The following ZRANB3 variants were observed in gnomAD, a reference collection of about 807,000 sequenced individuals.
The protein encoded by ZRANB3 is zinc finger RANBP2-type containing 3, also known as DNA annealing helicase and endonuclease ZRANB3.
ZRANB3 carries 125 observed loss-of-function variants against 133.8 expected under a neutral mutation model. The observed-to-expected ratio is 0.93, with a 90% CI of 0.81 to 1.08. The LOEUF is 1.08. Among genes scored for constraint, ZRANB3 ranks in the 50% least tolerant of loss-of-function variants. The probability of loss-of-function intolerance (pLI) is 0.00; values close to 1 mark genes in which losing one functional copy is unlikely to be tolerated. For synonymous variants in ZRANB3, 387 were observed against 432.7 expected (o/e 0.89, Z 1.31); for missense variants, 1,229 against 1,275.5 (o/e 0.96, Z 0.56).
At position 135,253,287 on chromosome 2, in the gene ZRANB3, G is replaced by A. The variant is rs117036365; in HGVS notation, c.1539+12247C>T. On this transcript the variant is annotated intron_variant, in intron 12 of 20. Transcript: ENST00000264159. ...AGTGGAAGCAGAAAGCAAAGGAGAG[G>A]CATGCCTCCTGGGGGAACAGTAACT... Among the ~76,000 whole-genome samples the A allele has an allele frequency of 9.9e-4, 151 of 152,254 alleles. 5 individuals are homozygous for A. In the East Asian group the frequency reaches 0.026, roughly 27 times the overall value.
chr2:135,505,626 T>A (rs1693144438), intron 1 of ZRANB3, among the ~76,000 whole-genome samples: 1 of 151,958 alleles, frequency 6.6e-6, no homozygotes, highest in South Asian at 2.1e-4. Context: ...CAGACTTATA[T>A]AACTATTGCT....
rs184834116 is a variant in ZRANB3, at chr2:135,335,467, C to T, written c.677+10083G>A. On this transcript the variant is annotated intron_variant, in intron 6 of 20. Coordinates refer to ENST00000264159, the MANE Select transcript of ZRANB3 (RefSeq NM_032143.4). ...TAGCATTTTGGGAAGCTGAGGTGGG[C>T]AGATGGCTTGAGGTCTGGAGTTCGA... 3.2e-4 allele frequency among the ~76,000 whole-genome samples: 48 copies of T among 152,084 alleles called. 1 individual carries two copies. Among genetic ancestry groups the T allele is most frequent in the African/African-American group, 1.1e-3 (44 of 41,500 alleles).
At chr2:135,310,611 C>T (rs967920744) in intron 8 of ZRANB3, among the ~76,000 whole-genome samples, 5 of 152,088 alleles carry the variant, frequency 3.3e-5, no homozygotes, top group African/African-American at 9.7e-5. Context: ...GGAATGCTGT[C>T]ATTGTGAGAA....
At chr2:135,372,312 C>T (rs1331288096) in intron 3 of ZRANB3, among the ~76,000 whole-genome samples, 1 of 152,180 alleles carries the variant, frequency 6.6e-6, no homozygotes, top group African/African-American at 2.4e-5. Flanking sequence ...GACTTCCCAG[C>T]CCCCAGAACT....
At chr2:135,387,521 G>C (rs529857092) in intron 3 of ZRANB3, among the ~76,000 whole-genome samples, 4 of 152,300 alleles carry the variant, frequency 2.6e-5, no homozygotes, top group Admixed American at 1.3e-4. Context: ...GTTATGAGCT[G>C]TGATCTTACG....
chr2:135,368,954 C>T (rs1686054726), intron 3 of ZRANB3, among the ~76,000 whole-genome samples: 1 of 151,844 alleles, frequency 6.6e-6, no homozygotes, highest in Admixed American at 6.6e-5. Context: ...TCAATACCAA[C>T]ATTAACAAAA....
At chr2:135,375,092 T>C (rs1573996282) in intron 3 of ZRANB3, among the ~76,000 whole-genome samples, 2 of 152,182 alleles carry the variant, frequency 1.3e-5, no homozygotes, top group South Asian at 2.1e-4. Flanking sequence ...CTTTCACTGC[T>C]AATGGAAATG....
chr2:135,211,567 C>G (rs192573503), intron 17 of ZRANB3, among the ~76,000 whole-genome samples: 2 of 151,994 alleles, frequency 1.3e-5, no homozygotes, highest in Admixed American at 1.3e-4. Context: ...AAAAGAAACC[C>G]GTACCCACTA....
In ZRANB3 at chr2:135,340,745, A is replaced by T. The variant is rs137897110; in HGVS notation, c.677+4805T>A. On this transcript the variant is annotated intron_variant, in intron 6 of 20. Transcript: ENST00000264159. ...GCGGCACGCGCCTGTAATCTCAGCT[A>T]CTCGGGAGGCTGAGGCAGGAGAATT... is the stretch of plus-strand genomic sequence containing the variant. Among the ~76,000 whole-genome samples, 232 of 152,108 alleles carry T rather than the reference A, an allele frequency of 1.5e-3. 2 individuals carry two copies. The highest frequency in any genetic ancestry group is 4.7e-4 in the Non-Finnish European group (32 of 67,996).
intron 12 of ZRANB3, among the ~76,000 whole-genome samples, chr2:135,233,201 A>G (rs1695117291): frequency 6.6e-6 from 1 of 152,234 alleles, no homozygotes; most frequent in Non-Finnish European, 1.5e-5. Flanking sequence ...CAGTGATGGA[A>G]GATCAAATGA....
At chr2:135,203,062 C>A in intron 19 of ZRANB3, 99 bp from the exon 20 acceptor site, 1 of 1,413,660 alleles carries the variant, frequency 7.1e-7, no homozygotes, top group South Asian at 1.4e-5. Flanking sequence ...ACAGGAAAAT[C>A]ATGGGGAAAA....
intron 1 of ZRANB3, among the ~76,000 whole-genome samples, chr2:135,508,335 C>A (rs756716628): frequency 1.3e-5 from 2 of 152,100 alleles, no homozygotes; most frequent in Non-Finnish European, 2.9e-5. Flanking sequence ...GACGGGGTTT[C>A]ACCATGTTAG....
intron 8 of ZRANB3, among the ~76,000 whole-genome samples, chr2:135,298,374 T>C (rs1052745489): frequency 5.9e-5 from 9 of 152,194 alleles, no homozygotes; most frequent in East Asian, 1.9e-4. Context: ...GTGTGATCTT[T>C]TGGGGATGTT....
intron 2 of ZRANB3, among the ~76,000 whole-genome samples, chr2:135,483,197 A>T (rs1418614022): frequency 6.6e-6 from 1 of 151,740 alleles, no homozygotes; most frequent in Non-Finnish European, 1.5e-5. Context: ...GAATGGTACC[A>T]GCTCCTCCTT....
At chr2:135,515,262 G>A (rs1693652583) in intron 1 of ZRANB3, among the ~76,000 whole-genome samples, 2 of 152,026 alleles carry the variant, frequency 1.3e-5, no homozygotes, top group South Asian at 4.2e-4. Context: ...GAATCTGTCT[G>A]GTCCTGGGCT....
At chr2:135,402,216 T>C (rs1459411440) in intron 2 of ZRANB3, among the ~76,000 whole-genome samples, 1 of 152,094 alleles carries the variant, frequency 6.6e-6, no homozygotes, top group Non-Finnish European at 1.5e-5. Flanking sequence ...AGTTATTCAT[T>C]CATCTTGATT....
intron 3 of ZRANB3, among the ~76,000 whole-genome samples, chr2:135,390,132 G>A (rs1474421353): frequency 6.6e-6 from 1 of 151,992 alleles, no homozygotes; most frequent in Non-Finnish European, 1.5e-5. Flanking sequence ...ACCTGCCTCG[G>A]CCTCCCAAAG....
intron 1 of ZRANB3, among the ~76,000 whole-genome samples, chr2:135,524,969 G>T (rs1297647391): frequency 6.6e-6 from 1 of 151,790 alleles, no homozygotes; most frequent in Non-Finnish European, 1.5e-5. Flanking sequence ...TACTAATCTG[G>T]GGTGGGGAAA....
At chr2:135,497,319 T>C (rs1039364931) in intron 2 of ZRANB3, among the ~76,000 whole-genome samples, 1 of 152,180 alleles carries the variant, frequency 6.6e-6, no homozygotes, top group African/African-American at 2.4e-5. Context: ...AGATTTATAC[T>C]GCCTGATACC....
Sources: allele counts gnomAD v4.1 joint callset (sites outside exome capture counted in the v4.1 genomes callset), GRCh38; gene constraint gnomAD v4.1.1; transcripts MANE v1.5; gene names NCBI Gene and HGNC (gene_info 2026-07-23, HGNC 2026-07-21).